The following CCDC85A variants were observed in gnomAD, a reference collection of about 807,000 sequenced individuals.
CCDC85A encodes coiled-coil domain-containing protein 85A.
CCDC85A carries 38 observed loss-of-function variants against 50.2 expected under a neutral mutation model. The observed-to-expected ratio is 0.76, with a 90% CI of 0.58 to 0.99. The LOEUF is 0.99. Ranked by LOEUF, CCDC85A falls within the 50% of genes least tolerant of loss-of-function variation. The pLI, the probability that CCDC85A is intolerant of heterozygous loss-of-function variation, is 0.00. For missense variants in CCDC85A, 820 were observed against 742.0 expected (o/e 1.11, Z -1.22); for synonymous variants, 366 against 301.4 (o/e 1.21, Z -2.22).
chr2:56,376,704 CA>C (rs1676353697), intron 5 of CCDC85A, among the ~76,000 whole-genome samples: 1 of 152,158 alleles, frequency 6.6e-6, no homozygotes, highest in Non-Finnish European at 1.5e-5. Context: ...AATCATCTTA[CA>C]AATTGAGATG....
At chr2:56,241,823 C>T (rs971585558) in intron 2 of CCDC85A, among the ~76,000 whole-genome samples, 4 of 152,094 alleles carry the variant, frequency 2.6e-5, no homozygotes, top group African/African-American at 9.7e-5. Context: ...ATACTGATTT[C>T]CTTTTTTTGG....
In CCDC85A at chr2:56,192,217, C is replaced by T. The variant is rs2193477; in HGVS notation, c.277-260C>T. Among the ~76,000 whole-genome samples, 1 of 147,736 alleles carries T rather than the reference C, an allele frequency of 6.8e-6. No individual in the cohort carries two copies. The highest frequency in any genetic ancestry group is 1.5e-5 in the Non-Finnish European group (1 of 66,734). ...AGTTAGTTTAATTTTTATGGCCATACTAATTATTATCCCCTAAATGTTTGG... is the reference window on the plus strand; with the variant it reads ...AGTTAGTTTAATTTTTATGGCCATATTAATTATTATCCCCTAAATGTTTGG... On this transcript the variant is annotated intron_variant, in intron 1 of 5. Coordinates refer to ENST00000407595, the MANE Select transcript of CCDC85A (RefSeq NM_001080433.2). The surrounding 1 kb of genome is among the most constrained non-coding windows in gnomAD (Gnocchi z 4.7).
At chr2:56,350,493 T>C (rs758184961) in intron 3 of CCDC85A, among the ~76,000 whole-genome samples, 22 of 152,188 alleles carry the variant, frequency 1.4e-4, no homozygotes, top group Non-Finnish European at 2.9e-4. Context: ...AACAGGCTCA[T>C]AGAAAGTGGG....
chr2:56,225,314 T>C (rs1448621077), intron 2 of CCDC85A, among the ~76,000 whole-genome samples: 1 of 152,108 alleles, frequency 6.6e-6, no homozygotes, highest in Non-Finnish European at 1.5e-5. Flanking sequence ...TAATCCCAGC[T>C]ACTTGGGAGG....
intron 1 of CCDC85A, chr2:56,185,916 C>G (rs962219161): frequency 4.6e-5 from 7 of 152,436 alleles, no homozygotes; most frequent in African/African-American, 1.7e-4. Flanking sequence ...ACTGCAGGGA[C>G]TTCAGGGAGC....
At chr2:56,352,283 A>C (rs1414454697) in intron 3 of CCDC85A, among the ~76,000 whole-genome samples, 2 of 152,230 alleles carry the variant, frequency 1.3e-5, no homozygotes, top group Non-Finnish European at 2.9e-5. Context: ...AATGTCATAT[A>C]CATAAAGATC....
chr2:56,378,178 TC>T (rs754304285), intron 5 of CCDC85A, among the ~76,000 whole-genome samples: 2 of 152,208 alleles, frequency 1.3e-5, no homozygotes, highest in Admixed American at 6.5e-5. Flanking sequence ...GAGCCAGCTG[TC>T]TAGAGCTGAT....
chr2:56,262,601 C>T (rs988961826), intron 2 of CCDC85A, among the ~76,000 whole-genome samples: 4 of 152,176 alleles, frequency 2.6e-5, no homozygotes, highest in African/African-American at 9.7e-5. Context: ...GTAAACCATT[C>T]ACACATTGCT....
At chr2:56,201,075 TCCAC>T (rs1476174647) in intron 2 of CCDC85A, among the ~76,000 whole-genome samples, 1 of 113,990 alleles carries the variant, frequency 8.8e-6, no homozygotes. Flanking sequence ...TTCATCTCTC[TCCAC>T]ACACACACAC....
At chr2:56,380,028 A>G (rs527467918) in intron 5 of CCDC85A, among the ~76,000 whole-genome samples, 3 of 152,172 alleles carry the variant, frequency 2.0e-5, no homozygotes, top group Admixed American at 2.0e-4. Context: ...TAATACAATC[A>G]TGTTACAGAA....
chr2:56,212,617 A>C (rs1416007101), intron 2 of CCDC85A, among the ~76,000 whole-genome samples: 1 of 152,046 alleles, frequency 6.6e-6, no homozygotes, highest in Non-Finnish European at 1.5e-5. Flanking sequence ...TGTATTTCAA[A>C]AGTAGAAAGT....
intron 2 of CCDC85A, among the ~76,000 whole-genome samples, chr2:56,329,306 G>A (rs1673639262): frequency 6.6e-6 from 1 of 152,140 alleles, no homozygotes; most frequent in East Asian, 1.9e-4. Context: ...AAGTGGTGTG[G>A]TGGGACATAC....
chr2:56,355,862 C>T (rs1231801943), intron 3 of CCDC85A, among the ~76,000 whole-genome samples: 1 of 152,134 alleles, frequency 6.6e-6, no homozygotes, highest in African/African-American at 2.4e-5. Context: ...ACTTGCAAGG[C>T]AGGAGTTCTA....
At chr2:56,243,309 G>A (rs143660831) in intron 2 of CCDC85A, among the ~76,000 whole-genome samples, 1,696 of 152,122 alleles carry the variant, frequency 0.011, 13 homozygotes, top group Non-Finnish European at 0.016. Flanking sequence ...TGTTGTAGGA[G>A]TGCTTCATTT....
intron 3 of CCDC85A, among the ~76,000 whole-genome samples, chr2:56,343,959 T>C (rs1452434123): frequency 6.6e-6 from 1 of 152,184 alleles, no homozygotes; most frequent in African/African-American, 2.4e-5. Context: ...CTTTTGCTCA[T>C]TAGTGATGAT....
At chr2:56,254,301 C>T (rs1196824897) in intron 2 of CCDC85A, among the ~76,000 whole-genome samples, 2 of 151,820 alleles carry the variant, frequency 1.3e-5, no homozygotes, top group Non-Finnish European at 2.9e-5. Flanking sequence ...TCTGGTGATG[C>T]TGTGTCGGTG....
Position 56,356,711 on chromosome 2 carries a change from C to CT in CCDC85A, c.1317+13765dup, listed in dbSNP as rs199969168. ...CTGCACTTCAGCCTGGCCGACAGAA[C>CT]TTTTTTTTTCCATCTCAAGGAAAAA... On this transcript the variant is annotated intron_variant, in intron 3 of 5. Coordinates refer to ENST00000407595, the MANE Select transcript of CCDC85A (RefSeq NM_001080433.2). 2.4e-3 allele frequency among the ~76,000 whole-genome samples: 306 copies of CT among 126,136 alleles called. 3 individuals are homozygous for CT. Among genetic ancestry groups the CT allele is most frequent in the African/African-American group, 8.8e-3 (289 of 32,802 alleles). The allele number at this position is 126,136 out of a possible 152,430, so 82.8% of individuals were successfully genotyped here.
chr2:56,354,994 G>C (rs1264432605), intron 3 of CCDC85A, among the ~76,000 whole-genome samples: 1 of 152,110 alleles, frequency 6.6e-6, no homozygotes, highest in African/African-American at 2.4e-5. Flanking sequence ...TTCTCCATGG[G>C]CCCAGCCCGC....
At chr2:56,359,818 T>C (rs1675432799) in intron 3 of CCDC85A, among the ~76,000 whole-genome samples, 1 of 152,196 alleles carries the variant, frequency 6.6e-6, no homozygotes, top group Non-Finnish European at 1.5e-5. Context: ...TATATGTGGG[T>C]TTTAGTCATT....
Sources: allele counts gnomAD v4.1 joint callset (sites outside exome capture counted in the v4.1 genomes callset), GRCh38; gene constraint gnomAD v4.1.1; non-coding constraint Gnocchi (gnomAD v3.1); transcripts MANE v1.5; gene names NCBI Gene and HGNC (gene_info 2026-07-23, HGNC 2026-07-21).